The following LRRC9 variants were observed in gnomAD, a reference collection of about 807,000 sequenced individuals.
LRRC9 encodes the protein leucine rich repeat containing 9, also known as leucine-rich repeat-containing protein 9.
LRRC9 carries 122 observed loss-of-function variants against 63.2 expected under a neutral mutation model. The ratio of observed to expected loss-of-function variants is 1.93; its 90% CI spans 1.67 to 2.24. The LOEUF (loss-of-function observed/expected upper bound fraction) is 2.24, where lower values mean the gene tolerates loss of function less well. Ranked by LOEUF, LRRC9 falls within the 30% of genes most tolerant of loss-of-function variation. The probability of loss-of-function intolerance (pLI) is 0.00; values close to 1 mark genes in which losing one functional copy is unlikely to be tolerated. For synonymous variants in LRRC9, 366 were observed against 213.1 expected (o/e 1.72, Z -6.25); for missense variants, 1,071 against 627.7 (o/e 1.71, Z -7.55).
intron 12 of LRRC9, among the ~76,000 whole-genome samples, chr14:59,972,464 T>G (rs1885627424): frequency 6.6e-6 from 1 of 152,092 alleles, no homozygotes; most frequent in African/African-American, 2.4e-5. Context: ...GCCGTAACCA[T>G]GTTTCATATT....
intron 31 of LRRC9, among the ~76,000 whole-genome samples, chr14:60,062,959 T>C (rs1894750731): frequency 6.6e-6 from 1 of 151,854 alleles, no homozygotes; most frequent in South Asian, 2.1e-4. Flanking sequence ...TGGCACAATC[T>C]TGGCTCACTG....
At chr14:60,057,892 C>T in exon 31 of LRRC9, 1 of 671,734 alleles carries the variant, frequency 1.5e-6, no homozygotes, top group Middle Eastern at 2.4e-4. Flanking sequence ...TTCCTGTTAC[C>T]CACTCTCCTA....
Position 60,031,301 on chromosome 14 carries a change from G to A in LRRC9, c.3922-694G>A, listed in dbSNP as rs1202808353. Among the ~76,000 whole-genome samples, 1 of 152,000 alleles carries A rather than the reference G, an allele frequency of 6.6e-6. No homozygotes were observed. Among genetic ancestry groups the A allele is most frequent in the East Asian group, 1.9e-4 (1 of 5,200 alleles). Reference sequence around the variant, plus strand: ...AGAAGAATTTGCTATATGTCCACTTGTAATTCCACAAAGGAATACAGGCAT... The same window carrying A: ...AGAAGAATTTGCTATATGTCCACTTATAATTCCACAAAGGAATACAGGCAT... On this transcript the variant is annotated intron_variant, in intron 28 of 31. Coordinates refer to ENST00000445360, the Ensembl canonical transcript of LRRC9. This position sits in a 1 kb window ranked among gnomAD's most constrained non-coding sequence, Gnocchi z 4.6.
intron 30 of LRRC9, among the ~76,000 whole-genome samples, chr14:60,055,414 C>A (rs1372830117): frequency 1.3e-5 from 2 of 152,140 alleles, no homozygotes; most frequent in Admixed American, 6.5e-5. Context: ...AAGATGATTT[C>A]TTTCCTTTTC....
chr14:59,923,741 C>A lies in LRRC9; in HGVS notation c.-34+3858C>A, dbSNP rs1314540661. Reference sequence around the variant, plus strand: ...GGATCACGAGGTCTGGAGATCAAGACCATCCTGGCTAACACGGTGAAACCC... The same window carrying A: ...GGATCACGAGGTCTGGAGATCAAGAACATCCTGGCTAACACGGTGAAACCC... On this transcript the variant is annotated intron_variant, in intron 1 of 31. Transcript: ENST00000445360. This position sits in a 1 kb window ranked among gnomAD's most constrained non-coding sequence, Gnocchi z 4.2. Among the ~76,000 whole-genome samples the A allele has an allele frequency of 1.3e-5, 2 of 152,150 alleles. No homozygotes were observed. Among genetic ancestry groups the A allele is most frequent in the African/African-American group, 2.4e-5 (1 of 41,434 alleles).
At chr14:59,974,428 A>T in intron 12 of LRRC9, 148 bp from the exon 13 acceptor site, 1 of 417,560 alleles carries the variant, frequency 2.4e-6, no homozygotes, top group East Asian at 3.6e-5. Flanking sequence ...ATGAAGTTGC[A>T]CCTGAAGGTT....
intron 23 of LRRC9, among the ~76,000 whole-genome samples, chr14:60,011,976 T>C (rs1164369481): frequency 1.3e-5 from 2 of 152,172 alleles, no homozygotes; most frequent in Non-Finnish European, 2.9e-5. Context: ...TGGAAGTAAT[T>C]TGAAGAGAGT....
Position 59,923,592 on chromosome 14 carries a change from C to CA in LRRC9, c.-34+3715dup, listed in dbSNP as rs1888953979. 6.6e-6 allele frequency among the ~76,000 whole-genome samples: 1 copy of CA among 151,860 alleles called. No homozygotes were observed. Among genetic ancestry groups the CA allele is most frequent in the Non-Finnish European group, 1.5e-5 (1 of 67,956 alleles). Reference sequence around the variant, plus strand: ...TATGGAAGAATATCCAGGAAACTGCCAAAAAAGAACATGAGGTGGGAATTT... The same window carrying CA: ...TATGGAAGAATATCCAGGAAACTGCCAAAAAAAGAACATGAGGTGGGAATTT... On this transcript the variant is annotated intron_variant, in intron 1 of 31. Transcript: ENST00000445360. The surrounding 1 kb of genome is among the most constrained non-coding windows in gnomAD (Gnocchi z 4.2).
chr14:60,042,009 G>T lies in LRRC9; in HGVS notation c.3990+9946G>T, dbSNP rs972517040. Among the ~76,000 whole-genome samples the T allele has an allele frequency of 6.6e-6, 1 of 152,196 alleles. No individual in the cohort carries two copies. The highest frequency in any genetic ancestry group is 1.5e-5 in the Non-Finnish European group (1 of 68,036). ...TGCAGGTCTGTTGGAGTTTGCTGGA[G>T]GTCCACTCCAGACCCTGTTTGCCTG... On this transcript the variant is annotated intron_variant, in intron 29 of 31. Transcript: ENST00000445360. The surrounding 1 kb of genome is among the most constrained non-coding windows in gnomAD (Gnocchi z 4.2).
rs1893009777 is a variant in LRRC9, at chr14:60,042,193, G to C, written c.3990+10130G>C. Among the ~76,000 whole-genome samples, 1 of 152,180 alleles carries C rather than the reference G, an allele frequency of 6.6e-6. No individual in the cohort carries two copies. Among genetic ancestry groups the C allele is most frequent in the Admixed American group, 6.5e-5 (1 of 15,286 alleles). On this transcript the variant is annotated intron_variant, in intron 29 of 31. Coordinates refer to ENST00000445360, the Ensembl canonical transcript of LRRC9. This position sits in a 1 kb window ranked among gnomAD's most constrained non-coding sequence, Gnocchi z 4.2. Reference sequence around the variant, plus strand: ...GTGCCTCCCAGTTAGGCTACTTGGGGGTCAGGGACCCACTTGAGGAGGCAG... The same window carrying C: ...GTGCCTCCCAGTTAGGCTACTTGGGCGTCAGGGACCCACTTGAGGAGGCAG...
chr14:59,940,992 T>C (rs1881698429), intron 7 of LRRC9, among the ~76,000 whole-genome samples: 1 of 152,010 alleles, frequency 6.6e-6, no homozygotes, highest in Non-Finnish European at 1.5e-5. Flanking sequence ...ACAAAGTTGA[T>C]TTGCTATATA....
rs1315778889 is a variant in LRRC9 at position 59,999,081 on chromosome 14, T to A, written c.2404-20T>A. On this transcript the variant is annotated intron_variant, in intron 18 of 31. Transcript: ENST00000445360. ...CATATTTAACAGTTTATAAAAAATT[T>A]TTTTTTTGTTTTTCCCAAGCCAGCC... 1.6e-6 allele frequency: 1 copy of A among 636,946 alleles called. No individual in the cohort carries two copies. Among genetic ancestry groups the A allele is most frequent in the Non-Finnish European group, 2.8e-6 (1 of 357,828 alleles). The allele number at this position is 636,946 out of a possible 1,614,324, so 39.5% of individuals were successfully genotyped here.
At chr14:60,045,903 CTTT>C (rs369623982) in intron 29 of LRRC9, among the ~76,000 whole-genome samples, 3 of 151,926 alleles carry the variant, frequency 2.0e-5, no homozygotes, top group South Asian at 2.1e-4. Flanking sequence ...AGTGTAAAAG[CTTT>C]TTTTTCTCTG....
In LRRC9 at chr14:60,018,352, T is replaced by G. The variant is rs1190455510; in HGVS notation, c.3318-19T>G. On this transcript the variant is annotated intron_variant, in intron 24 of 31. Transcript: ENST00000445360. ...TGTCCTATTAAAATAATAGCTGTAT[T>G]TACTTTGTCTAAATTCAGAACAGTG... The G allele has an allele frequency of 1.4e-6, 1 of 699,868 alleles. No individual in the cohort carries two copies. The highest frequency in any genetic ancestry group is 2.6e-6 in the Non-Finnish European group (1 of 382,846). The allele number at this position is 699,868 out of a possible 1,614,324, so 43.4% of individuals were successfully genotyped here.
intron 29 of LRRC9, among the ~76,000 whole-genome samples, chr14:60,050,959 T>A (rs1416817346): frequency 6.6e-6 from 1 of 152,146 alleles, no homozygotes; most frequent in African/African-American, 2.4e-5. Flanking sequence ...CTCTGTAAGC[T>A]CCATCCCAGG....
At chr14:59,939,591 G>C (rs1881539272) in intron 7 of LRRC9, among the ~76,000 whole-genome samples, 1 of 152,044 alleles carries the variant, frequency 6.6e-6, no homozygotes, top group African/African-American at 2.4e-5. Flanking sequence ...AAAGTGGTAA[G>C]AAGTCAGATT....
chr14:59,984,017 A>G (rs1887202793), intron 16 of LRRC9, among the ~76,000 whole-genome samples: 1 of 152,234 alleles, frequency 6.6e-6, no homozygotes, highest in Non-Finnish European at 1.5e-5. Flanking sequence ...TAGTGGTGAT[A>G]TAACGGTGTG....
intron 29 of LRRC9, among the ~76,000 whole-genome samples, chr14:60,047,792 G>T (rs1251440924): frequency 1.3e-5 from 2 of 152,140 alleles, no homozygotes; most frequent in Admixed American, 1.3e-4. Flanking sequence ...TGGATCAAGT[G>T]GATCTGATAG....
intron 1 of LRRC9, among the ~76,000 whole-genome samples, chr14:59,925,418 AG>A (rs959803939): frequency 7.2e-5 from 11 of 152,288 alleles, no homozygotes; most frequent in African/African-American, 2.6e-4. Flanking sequence ...CCAAGTCAGA[AG>A]GGCAAAAAAG....
Sources: gnomAD v4.1 joint callset for allele counts (sites outside exome capture counted in the v4.1 genomes callset) on GRCh38, gnomAD v4.1.1 for gene constraint, Gnocchi (gnomAD v3.1) non-coding constraint, MANE v1.5 for transcripts, NCBI Gene and HGNC (gene_info 2026-07-23, HGNC 2026-07-21) for gene names.